Variants in TMPRSS11D observed in about 807,000 individuals in gnomAD.
TMPRSS11D encodes transmembrane protease serine 11D.
In TMPRSS11D, 32 loss-of-function variants were observed where a neutral mutation model predicts 44.4. The observed-to-expected ratio is 0.72, with a 90% CI of 0.54 to 0.97. The LOEUF (loss-of-function observed/expected upper bound fraction) is 0.97, where lower values mean the gene tolerates loss of function less well. TMPRSS11D is among the 50% of genes least tolerant of loss of function. The pLI, the probability that TMPRSS11D is intolerant of heterozygous loss-of-function variation, is 0.00. For synonymous variants in TMPRSS11D, 179 were observed against 177.9 expected, an observed-to-expected ratio of 1.01 and a Z score of -0.05; for missense variants, 446 against 502.6, an observed-to-expected ratio of 0.89 and a Z score of 1.08.
At chr4:67,846,033 T>C (rs189247039) in intron 3 of TMPRSS11D, among the ~76,000 whole-genome samples, 6 of 152,318 alleles carry the variant, frequency 3.9e-5, no homozygotes, top group Non-Finnish European at 5.9e-5. Flanking sequence ...TTTGCTCATA[T>C]TATTAGAATA....
At chr4:67,879,485 A>AAG (rs1719271201) in intron 1 of TMPRSS11D, among the ~76,000 whole-genome samples, 3 of 151,716 alleles carry the variant, frequency 2.0e-5, no homozygotes, top group Admixed American at 6.6e-5. Flanking sequence ...AAAAAAAAAA[A>AAG]AAAAGAAAAG....
rs368812799 is a variant in TMPRSS11D at position 67,856,174 on chromosome 4, C to A, written c.131-1988G>T. On this transcript the variant is annotated intron_variant, in intron 2 of 9. Coordinates refer to ENST00000283916, the MANE Select transcript of TMPRSS11D (RefSeq NM_004262.3). ...GTATGAAACAAAGAGCCCAAATAGTCGAATCACACCTGAGCAGAAAGAGCA... is the reference window on the plus strand; with the variant it reads ...GTATGAAACAAAGAGCCCAAATAGTAGAATCACACCTGAGCAGAAAGAGCA... Among the ~76,000 whole-genome samples the A allele has an allele frequency of 1.6e-3, 250 of 152,216 alleles. 7 individuals are homozygous for A. In the South Asian group the frequency reaches 0.051, roughly 31 times the overall value.
At chr4:67,854,046 G>T in intron 3 of TMPRSS11D, 22 bp downstream of exon 3, 1 of 1,317,012 alleles carries the variant, frequency 7.6e-7, no homozygotes, top group Non-Finnish European at 1.1e-6. Flanking sequence ...GGAATAAAGA[G>T]CAAAGACAAA....
intron 1 of TMPRSS11D, among the ~76,000 whole-genome samples, chr4:67,880,093 GA>G (rs1719285859): frequency 6.6e-6 from 1 of 152,178 alleles, no homozygotes; most frequent in South Asian, 2.1e-4. Flanking sequence ...GTGAAACCAT[GA>G]AGAAAATGAA....
At chr4:67,863,340 AAAAAAAGAAAAGAAAAGTTC>A (rs1718839669) in intron 1 of TMPRSS11D, among the ~76,000 whole-genome samples, 2 of 150,714 alleles carry the variant, frequency 1.3e-5, no homozygotes, top group South Asian at 4.1e-4. Context: ...AAAAAAAAAA[AAAAAAAGAAAAGAAAAGTTC>A]AAAACCGAAC....
At chr4:67,875,591 G>GA (rs925151630) in intron 1 of TMPRSS11D, among the ~76,000 whole-genome samples, 1 of 152,212 alleles carries the variant, frequency 6.6e-6, no homozygotes, top group Non-Finnish European at 1.5e-5. Context: ...ACTGTTCCGT[G>GA]AGAGAGACAG....
intron 7 of TMPRSS11D, among the ~76,000 whole-genome samples, chr4:67,830,278 G>A (rs1053217569): frequency 1.3e-5 from 2 of 152,054 alleles, no homozygotes; most frequent in East Asian, 3.9e-4. Context: ...ATTAGTATGA[G>A]GCATATGGGT....
At chr4:67,856,123 A>AAAT (rs1718628947) in intron 2 of TMPRSS11D, among the ~76,000 whole-genome samples, 1 of 152,232 alleles carries the variant, frequency 6.6e-6, no homozygotes, top group South Asian at 2.1e-4. Context: ...CTTTTCACAG[A>AAAT]AATAGAAAAA....
chr4:67,879,022 T>C (rs933013876), intron 1 of TMPRSS11D, among the ~76,000 whole-genome samples: 8 of 152,304 alleles, frequency 5.3e-5, no homozygotes, highest in African/African-American at 1.9e-4. Flanking sequence ...TATTTTGCCA[T>C]ATGATATTAA....
chr4:67,831,184 T>A (rs1048394224), intron 7 of TMPRSS11D, among the ~76,000 whole-genome samples: 1 of 152,038 alleles, frequency 6.6e-6, no homozygotes, highest in South Asian at 2.1e-4. Context: ...GATAAAAAAA[T>A]TTCTGTGGAA....
intron 1 of TMPRSS11D, among the ~76,000 whole-genome samples, chr4:67,876,095 A>G (rs1719184707): frequency 6.6e-6 from 1 of 152,178 alleles, no homozygotes; most frequent in Admixed American, 6.5e-5. Flanking sequence ...ATTATGAAAC[A>G]CTAGTCCTGT....
intron 3 of TMPRSS11D, among the ~76,000 whole-genome samples, chr4:67,849,360 T>G (rs899782565): frequency 1.3e-5 from 2 of 152,156 alleles, no homozygotes; most frequent in African/African-American, 2.4e-5. Context: ...GCTGGAAATA[T>G]AGTGAATCAT....
intron 4 of TMPRSS11D, among the ~76,000 whole-genome samples, chr4:67,839,243 C>G (rs1718175363): frequency 6.6e-6 from 1 of 152,038 alleles, no homozygotes; most frequent in African/African-American, 2.4e-5. Flanking sequence ...CAGAAATTAG[C>G]TGGGACTAAG....
intron 3 of TMPRSS11D, 35 bp downstream of exon 3, chr4:67,854,033 A>C (rs749784651): frequency 1.7e-6 from 2 of 1,200,110 alleles, no homozygotes; most frequent in South Asian, 2.8e-5. Flanking sequence ...TTCATTTTAT[A>C]ATGGAATAAA....
intron 4 of TMPRSS11D, 50 bp from the exon 5 acceptor site, chr4:67,838,379 A>C: frequency 6.9e-7 from 1 of 1,453,346 alleles, no homozygotes; most frequent in Non-Finnish European, 9.1e-7. Flanking sequence ...ACAATTTTTC[A>C]CCATCCTGTT....
intron 1 of TMPRSS11D, among the ~76,000 whole-genome samples, chr4:67,880,249 T>A (rs1355900108): frequency 6.6e-6 from 1 of 152,190 alleles, no homozygotes; most frequent in Non-Finnish European, 1.5e-5. Context: ...AGAGGTTCAC[T>A]TTTTAAAATT....
intron 4 of TMPRSS11D, among the ~76,000 whole-genome samples, chr4:67,839,893 C>T (rs1260211992): frequency 7.3e-5 from 11 of 151,382 alleles, no homozygotes; most frequent in African/African-American, 2.7e-4. Context: ...AGGTTTGTTA[C>T]ATATGTATAC....
intron 1 of TMPRSS11D, among the ~76,000 whole-genome samples, chr4:67,875,207 G>T (rs1467867924): frequency 1.3e-5 from 2 of 152,136 alleles, no homozygotes; most frequent in Non-Finnish European, 2.9e-5. Context: ...GTTCCTCAGA[G>T]CTTACGAAAG....
intron 7 of TMPRSS11D, among the ~76,000 whole-genome samples, chr4:67,831,632 T>C (rs956490822): frequency 2.6e-5 from 4 of 152,136 alleles, no homozygotes; most frequent in African/African-American, 9.7e-5. Flanking sequence ...AATTCCTGGT[T>C]CCCACACTCA....
Sources: gnomAD v4.1 joint callset for allele counts (sites outside exome capture counted in the v4.1 genomes callset) on GRCh38, gnomAD v4.1.1 for gene constraint, MANE v1.5 for transcripts, NCBI Gene and HGNC (gene_info 2026-07-23, HGNC 2026-07-21) for gene names.